Variants in MAP3K3 observed in about 807,000 individuals in gnomAD.
MAP3K3 encodes the protein mitogen-activated protein kinase kinase kinase 3.
Under a neutral mutation model 80.9 loss-of-function variants are expected in MAP3K3, and 12 were observed. The observed-to-expected ratio is 0.15, with a 90% CI of 0.10 to 0.24. The LOEUF (loss-of-function observed/expected upper bound fraction) is 0.24, where lower values mean the gene tolerates loss of function less well. Ranked by LOEUF, MAP3K3 falls within the 10% of genes least tolerant of loss-of-function variation. The pLI, the probability that MAP3K3 is intolerant of heterozygous loss-of-function variation, is 1.00. For missense variants in MAP3K3, 596 were observed against 834.7 expected, an observed-to-expected ratio of 0.71 and a Z score of 3.52; for synonymous variants, 272 against 307.1, an observed-to-expected ratio of 0.89 and a Z score of 1.19.
intron 7 of MAP3K3, 28 bp from the exon 8 acceptor site, chr17:63,685,489 T>A: frequency 6.3e-7 from 1 of 1,594,106 alleles, no homozygotes; most frequent in Non-Finnish European, 8.6e-7. Context: ...GCTGGGGGTG[T>A]GGCTTCATTG....
At chr17:63,631,721 A>G (rs2034219605) in intron 1 of MAP3K3, among the ~76,000 whole-genome samples, 1 of 152,160 alleles carries the variant, frequency 6.6e-6, no homozygotes, top group Non-Finnish European at 1.5e-5. Context: ...AGAAAAGGGG[A>G]TTAAAAGTAA....
At chr17:63,648,659 A>G (rs1017051515) in intron 3 of MAP3K3, among the ~76,000 whole-genome samples, 1 of 152,076 alleles carries the variant, frequency 6.6e-6, no homozygotes, top group African/African-American at 2.4e-5. Flanking sequence ...TACTAAAAAT[A>G]CAAAAATTAG....
In MAP3K3 at chr17:63,692,411, A is replaced by G; in HGVS notation, c.1644A>G (p.Ala548=). 4 of 1,605,814 alleles carry G rather than the reference A, an allele frequency of 2.5e-6. No individual in the cohort carries two copies. Among genetic ancestry groups the G allele is most frequent in the Non-Finnish European group, 3.4e-6 (4 of 1,174,878 alleles). The change falls in exon 15 of 16, where the codon GCA becomes GCG. Residue 548 remains alanine, a synonymous_variant. Transcript: ENST00000361733. This position sits in a 1 kb window ranked among gnomAD's most constrained non-coding sequence, Gnocchi z 4.5. ...GCGGCGAGGGCTATGGAAGGAAAGC[A>G]GACGTGTGGTGAGCACTGGGACATG... The part of the protein sequence containing the change: ...VISGEGYGRK[A]DVWSLGCTVV...
chr17:63,646,865 G>A (rs2034550717), intron 3 of MAP3K3, among the ~76,000 whole-genome samples: 1 of 152,186 alleles, frequency 6.6e-6, no homozygotes, highest in South Asian at 2.1e-4. Context: ...TGCGGCACAT[G>A]TACACATAAA....
chr17:63,649,543 C>T (rs919126857), intron 3 of MAP3K3, among the ~76,000 whole-genome samples: 12 of 152,112 alleles, frequency 7.9e-5, no homozygotes, highest in African/African-American at 2.9e-4. Flanking sequence ...CCTCAACCTC[C>T]CAGGTGCCTG....
chr17:63,630,003 C>A (rs1043348022), intron 1 of MAP3K3, among the ~76,000 whole-genome samples: 2 of 152,162 alleles, frequency 1.3e-5, no homozygotes, highest in African/African-American at 4.8e-5. Flanking sequence ...GTATTCACAT[C>A]CATCTTTGTT....
At chr17:63,625,964 C>A (rs1258715448) in intron 1 of MAP3K3, among the ~76,000 whole-genome samples, 1 of 152,000 alleles carries the variant, frequency 6.6e-6, no homozygotes, top group Non-Finnish European at 1.5e-5. Flanking sequence ...TCCCAGTTAC[C>A]CAGGAGACCG....
At chr17:63,662,650 ATTTTTTTTTTT>A (rs1192833142) in intron 5 of MAP3K3, among the ~76,000 whole-genome samples, 3 of 82,564 alleles carry the variant, frequency 3.6e-5, no homozygotes, top group African/African-American at 1.8e-4. Context: ...AGAAGAGGGA[ATTTTTTTTTTT>A]TTTTTTTTTT....
intron 6 of MAP3K3, chr17:63,668,257 A>G (rs557559405): frequency 1.3e-5 from 2 of 152,324 alleles, no homozygotes; most frequent in East Asian, 3.9e-4. Flanking sequence ...CTCCTGAGGG[A>G]GTTACAGGAA....
intron 1 of MAP3K3, among the ~76,000 whole-genome samples, chr17:63,626,398 C>G (rs946180887): frequency 1.3e-5 from 2 of 152,156 alleles, no homozygotes; most frequent in Non-Finnish European, 2.9e-5. Flanking sequence ...GGTATTGACA[C>G]ATGTAATTCT....
intron 2 of MAP3K3, among the ~76,000 whole-genome samples, chr17:63,635,757 T>C (rs1163686911): frequency 6.6e-6 from 1 of 152,158 alleles, no homozygotes; most frequent in African/African-American, 2.4e-5. Context: ...AGGCCTGAGA[T>C]AGAATGAAAC....
Position 63,693,446 on chromosome 17 carries a change from A to C in MAP3K3, c.1653-103A>C, listed in dbSNP as rs878940689. 8.7e-6 allele frequency: 9 copies of C among 1,035,142 alleles called. No individual in the cohort carries two copies. In the South Asian group the frequency reaches 8.9e-5, roughly 10 times the overall value. 64.1% of individuals were successfully genotyped at this position (1,035,142 alleles called of 1,614,324 possible). On this transcript the variant is annotated intron_variant, in intron 15 of 15. Coordinates refer to ENST00000361733, the MANE Select transcript of MAP3K3 (RefSeq NM_002401.5). The surrounding 1 kb of genome is among the most constrained non-coding windows in gnomAD (Gnocchi z 4.2). ...TATCCCTCAGCTTGGCCTGTCCTGC[A>C]CCTCAGCTTGCTGTGAGAAAGGCGC...
In MAP3K3 at chr17:63,691,675, C is replaced by G. The variant is rs1263603544; in HGVS notation, c.1345-58C>G. 4.4e-6 allele frequency: 7 copies of G among 1,585,636 alleles called. No homozygotes were observed. The highest frequency in any genetic ancestry group is 6.0e-6 in the Non-Finnish European group (7 of 1,161,474). On this transcript the variant is annotated intron_variant, in intron 13 of 15. Coordinates refer to ENST00000361733, the MANE Select transcript of MAP3K3 (RefSeq NM_002401.5). This position sits in a 1 kb window ranked among gnomAD's most constrained non-coding sequence, Gnocchi z 4.8. The stretch of plus-strand genomic sequence containing the variant: ...CTGCCATGCTGGGGGCTGGAATGGG[C>G]TTGCCCCTCCACCAGCCCTCCCCTG...
Position 63,634,092 on chromosome 17 carries a change from G to T in MAP3K3, c.126+1290G>T, listed in dbSNP as rs550370436. 3.9e-5 allele frequency among the ~76,000 whole-genome samples: 6 copies of T among 152,252 alleles called. No individual in the cohort carries two copies. In the East Asian group the frequency reaches 9.6e-4, roughly 24 times the overall value. On this transcript the variant is annotated intron_variant, in intron 2 of 15. Coordinates refer to ENST00000361733, the MANE Select transcript of MAP3K3 (RefSeq NM_002401.5). Reference sequence around the variant, plus strand: ...TTGTTGTTACCTTATAGTACTGGAGGTATAAACAGATAAGGGCCCATTCTT... The same window carrying T: ...TTGTTGTTACCTTATAGTACTGGAGTTATAAACAGATAAGGGCCCATTCTT...
chr17:63,688,907 G>C, intron 10 of MAP3K3, 26 bp downstream of exon 10: 2 of 1,566,416 alleles, frequency 1.3e-6, no homozygotes, highest in Non-Finnish European at 1.8e-6. Context: ...CCTGCTCCCT[G>C]CTGGCTGCCT....
chr17:63,692,544 T>C lies in MAP3K3; in HGVS notation c.1652+125T>C. The C allele has an allele frequency of 1.0e-6, 1 of 981,372 alleles. No individual in the cohort carries two copies. The highest frequency in any genetic ancestry group is 1.5e-6 in the Non-Finnish European group (1 of 680,716). The allele number at this position is 981,372 out of a possible 1,614,324, so 60.8% of individuals were successfully genotyped here. On this transcript the variant is annotated intron_variant, in intron 15 of 15. Transcript: ENST00000361733. This position sits in a 1 kb window ranked among gnomAD's most constrained non-coding sequence, Gnocchi z 4.5. ...TGTGCCCAGGGCCCAGGCTGCAGTG[T>C]GTGCAAGGGTATTATTGGGTGCAGT...
intron 4 of MAP3K3, among the ~76,000 whole-genome samples, chr17:63,654,077 C>T (rs968771470): frequency 3.3e-5 from 5 of 152,130 alleles, no homozygotes; most frequent in Non-Finnish European, 7.4e-5. Context: ...CCATGTTGCC[C>T]AGGCTGGTCT....
intron 4 of MAP3K3, among the ~76,000 whole-genome samples, chr17:63,655,740 C>T (rs73337601): frequency 0.017 from 2,586 of 152,124 alleles, 70 homozygotes; most frequent in African/African-American, 0.059. Context: ...GTGAGCCTCC[C>T]GCCACAGCCT....
At chr17:63,627,257 T>A (rs1218342062) in intron 1 of MAP3K3, among the ~76,000 whole-genome samples, 1 of 152,150 alleles carries the variant, frequency 6.6e-6, no homozygotes. Context: ...CTTTTCTAGT[T>A]CCATGAATAC....
Sources: allele counts gnomAD v4.1 joint callset (sites outside exome capture counted in the v4.1 genomes callset), GRCh38; gene constraint gnomAD v4.1.1; non-coding constraint Gnocchi (gnomAD v3.1); transcripts MANE v1.5; gene names NCBI Gene and HGNC (gene_info 2026-07-23, HGNC 2026-07-21).